Variants in XPC observed in about 807,000 individuals in gnomAD.
XPC encodes DNA repair protein complementing XP-C cells.
Under a neutral mutation model 95.8 loss-of-function variants are expected in XPC, and 76 were observed. The ratio of observed to expected loss-of-function variants is 0.79; its 90% CI spans 0.66 to 0.96. XPC has a LOEUF of 0.96. Among genes scored for constraint, XPC ranks in the 40% least tolerant of loss-of-function variants. XPC has a pLI of 0.00. For synonymous variants in XPC, 442 were observed against 442.1 expected (o/e 1.00, Z 0.00); for missense variants, 1,146 against 1,179.8 (o/e 0.97, Z 0.42).
intron 11 of XPC, chr3:14,151,482 C>T (rs1253356019): frequency 6.6e-6 from 1 of 152,158 alleles, no homozygotes; most frequent in Admixed American, 6.5e-5. Context: ...CCCTGCAGGC[C>T]CAGGCAGGGG....
chr3:14,172,400 G>GA (rs1437010450), intron 2 of XPC, among the ~76,000 whole-genome samples: 3 of 152,192 alleles, frequency 2.0e-5, no homozygotes, highest in African/African-American at 7.2e-5. Context: ...GCATCTTCAA[G>GA]ATGGAAGCCA....
chr3:14,156,897 GAGC>G (rs1268271197), intron 9 of XPC, among the ~76,000 whole-genome samples: 16 of 152,338 alleles, frequency 1.1e-4, no homozygotes, highest in African/African-American at 3.6e-4. Flanking sequence ...AGGAAACTGA[GAGC>G]AGCGGTTCTC....
At chr3:14,170,670 AGAT>A (rs1255566332) in intron 2 of XPC, 120 bp from the exon 3 acceptor site, 3 of 711,440 alleles carry the variant, frequency 4.2e-6, no homozygotes, top group Non-Finnish European at 7.0e-6. Flanking sequence ...AACTATTTAA[AGAT>A]GATTAGTAAG....
Position 14,164,086 on chromosome 3 carries a change from CATT to C in XPC, c.900+724_900+726del, listed in dbSNP as rs540232975. 1.0e-3 allele frequency among the ~76,000 whole-genome samples: 159 copies of C among 152,282 alleles called. 1 individual carries two copies. Among genetic ancestry groups the C allele is most frequent in the African/African-American group, 3.7e-3 (153 of 41,558 alleles). Reference sequence around the variant, plus strand: ...CAAACAAACAAAAAAATTGGCAGCACATTATAACATAATTATCAGCCTTGCCAA... The same window carrying C: ...CAAACAAACAAAAAAATTGGCAGCACATAACATAATTATCAGCCTTGCCAA... On this transcript the variant is annotated intron_variant, in intron 7 of 15. Coordinates refer to ENST00000285021, the MANE Select transcript of XPC (RefSeq NM_004628.5).
chr3:14,146,644 G>A (rs759032473), intron 15 of XPC, among the ~76,000 whole-genome samples: 2 of 152,192 alleles, frequency 1.3e-5, no homozygotes, highest in Non-Finnish European at 2.9e-5. Flanking sequence ...AAAGTCAGAT[G>A]AAGGGCTTTT....
chr3:14,168,358 A>G lies in XPC; in HGVS notation c.435T>C (p.Gly145=), dbSNP rs199971267. The change falls in exon 4 of 16, where the codon GGT becomes GGC. Residue 145 remains glycine, a synonymous_variant. Transcript: ENST00000285021. ...EVEELSEPVL[G]DVRESTAFSR... Reference sequence around the variant, plus strand: ...AGAAGGCTGTACTTTCTCTCACGTCACCCAGCACAGGCTCACTAAGTTCTA... The same window carrying G: ...AGAAGGCTGTACTTTCTCTCACGTCGCCCAGCACAGGCTCACTAAGTTCTA... 1 of 1,613,902 alleles carries G rather than the reference A, an allele frequency of 6.2e-7. No homozygotes were observed. The highest frequency in any genetic ancestry group is 1.3e-5 in the African/African-American group (1 of 75,016).
At chr3:14,178,223 C>A (rs924639267) in intron 1 of XPC, 2 of 523,904 alleles carry the variant, frequency 3.8e-6, no homozygotes, top group Non-Finnish European at 6.6e-6. Flanking sequence ...CAACGGGGAG[C>A]GGGAAAAAAG....
chr3:14,151,392 C>T (rs574407174), intron 11 of XPC: 6 of 152,304 alleles, frequency 3.9e-5, no homozygotes, highest in South Asian at 2.1e-4. Flanking sequence ...GTGTGGCTCA[C>T]GTTACATTTC....
In XPC at chr3:14,147,996, T is replaced by G; in HGVS notation, c.2426A>C (p.Asp809Ala). ...FHGGYSHPVT[D>A]GYIVCEEFKD... ...GAATTCCTCGCAGACGATGTATCCATCAGTCCTGTGGGGACACAACGCGAT... is the reference window on the plus strand; with the variant it reads ...GAATTCCTCGCAGACGATGTATCCAGCAGTCCTGTGGGGACACAACGCGAT... The change falls in exon 14 of 16, where the codon GAT becomes GCT. Residue 809 changes from aspartate to alanine, a missense_variant. Asp to Ala is a moderately radical substitution (Grantham distance 126). Transcript: ENST00000285021. The G allele has an allele frequency of 6.3e-7, 1 of 1,583,836 alleles. No homozygotes were observed.
chr3:14,156,287 C>T (rs781118052), intron 10 of XPC, 48 bp downstream of exon 10: 29 of 1,579,382 alleles, frequency 1.8e-5, no homozygotes, highest in Non-Finnish European at 2.1e-5. Flanking sequence ...GGCTGCTAAT[C>T]CCATGCCATC....
At chr3:14,177,241 C>T (rs1696860047) in intron 1 of XPC, among the ~76,000 whole-genome samples, 1 of 151,992 alleles carries the variant, frequency 6.6e-6, no homozygotes, top group South Asian at 2.1e-4. Flanking sequence ...CCATAGTATC[C>T]ACATTGTATT....
intron 4 of XPC, among the ~76,000 whole-genome samples, chr3:14,167,519 T>C (rs1004658208): frequency 2.6e-5 from 4 of 152,168 alleles, no homozygotes; most frequent in Non-Finnish European, 5.9e-5. Context: ...CCTACATGCC[T>C]CAAAGCTCAC....
intron 5 of XPC, among the ~76,000 whole-genome samples, chr3:14,166,593 G>C (rs985164541): frequency 1.3e-5 from 2 of 150,088 alleles, no homozygotes; most frequent in Non-Finnish European, 2.9e-5. Context: ...AACTTGGCTA[G>C]AGTCTTCAAC....
intron 11 of XPC, among the ~76,000 whole-genome samples, chr3:14,150,979 G>A (rs1394000490): frequency 1.3e-5 from 2 of 152,172 alleles, no homozygotes; most frequent in Non-Finnish European, 2.9e-5. Flanking sequence ...TGGCCAAGAT[G>A]CACAGAAAGA....
At chr3:14,159,640 G>T in intron 8 of XPC, 101 bp downstream of exon 8, 3 of 1,230,608 alleles carry the variant, frequency 2.4e-6, no homozygotes, top group Non-Finnish European at 3.5e-6. Context: ...CCCACACTCC[G>T]TGAATACCAG....
chr3:14,174,557 A>T (rs1266490331), intron 1 of XPC, among the ~76,000 whole-genome samples: 2 of 152,232 alleles, frequency 1.3e-5, no homozygotes, highest in Non-Finnish European at 2.9e-5. Context: ...AAGGGGGATA[A>T]AGGAAACACA....
Position 14,159,799 on chromosome 3 carries a change from A to G in XPC, c.932T>C (p.Leu311Pro). ...IFLLILRALQLLTRLVLSLQP... is the reference protein window; with the variant it reads ...IFLLILRALQPLTRLVLSLQP... ...TAGAGACAATACCAGCCGGGTCAAG[A>G]GCTGCAGAGCCCGGAGAATCAGTAA... is the stretch of plus-strand genomic sequence containing the variant. The change falls in exon 8 of 16, where the codon CTC becomes CCC. Residue 311 changes from leucine to proline, a missense_variant. Leu to Pro is a moderately conservative substitution (Grantham distance 98). Transcript: ENST00000285021. 6.4e-7 allele frequency: 1 copy of G among 1,560,510 alleles called. No homozygotes were observed. Among genetic ancestry groups the G allele is most frequent in the Non-Finnish European group, 8.7e-7 (1 of 1,151,932 alleles).
intron 14 of XPC, 78 bp downstream of exon 14, chr3:14,147,829 CG>C: frequency 1.5e-6 from 2 of 1,293,762 alleles, no homozygotes; most frequent in South Asian, 1.3e-5. Context: ...CACACGGAGG[CG>C]GCCTGGGGAA....
intron 15 of XPC, 91 bp downstream of exon 15, chr3:14,147,199 G>A: frequency 2.2e-6 from 3 of 1,334,860 alleles, no homozygotes; most frequent in African/African-American, 1.5e-5. Context: ...CTGACTTGAG[G>A]CTGGGGCAGA....
Sources: gnomAD v4.1 joint callset for allele counts (sites outside exome capture counted in the v4.1 genomes callset) on GRCh38, gnomAD v4.1.1 for gene constraint, MANE v1.5 for transcripts, NCBI Gene and HGNC (gene_info 2026-07-23, HGNC 2026-07-21) for gene names.